Variants in PHACTR3 observed in about 807,000 individuals in gnomAD.
The protein encoded by PHACTR3 is phosphatase and actin regulator 3.
A neutral mutation model predicts 66.8 loss-of-function variants in PHACTR3; 16 were observed. The ratio of observed to expected loss-of-function variants is 0.24; its 90% CI spans 0.16 to 0.36. The LOEUF (loss-of-function observed/expected upper bound fraction) is 0.36, where lower values mean the gene tolerates loss of function less well. Ranked by LOEUF, PHACTR3 falls within the 10% of genes least tolerant of loss-of-function variation. The pLI is 1.00. For missense variants in PHACTR3, 647 were observed against 719.9 expected, an observed-to-expected ratio of 0.90 and a Z score of 1.16; for synonymous variants, 323 against 292.1, an observed-to-expected ratio of 1.11 and a Z score of -1.08.
intron 4 of PHACTR3, among the ~76,000 whole-genome samples, chr20:59,766,935 G>A (rs117058424): frequency 0.022 from 3,399 of 152,246 alleles, 58 homozygotes; most frequent in Non-Finnish European, 0.035. Context: ...CTGTGGCATG[G>A]ACCTCTCATG....
intron 1 of PHACTR3, among the ~76,000 whole-genome samples, chr20:59,640,201 A>C (rs979393885): frequency 3.7e-4 from 57 of 152,364 alleles, no homozygotes; most frequent in Admixed American, 1.5e-3. Flanking sequence ...GGTAGGATCA[A>C]GTACAGTCAG....
intron 7 of PHACTR3, among the ~76,000 whole-genome samples, chr20:59,793,155 T>C (rs768763777): frequency 9.9e-5 from 15 of 152,162 alleles, no homozygotes; most frequent in Non-Finnish European, 1.6e-4. Flanking sequence ...TCTCAAAGTG[T>C]TGGGATTACA....
chr20:59,770,443 C>T (rs1194385038), intron 5 of PHACTR3, among the ~76,000 whole-genome samples: 1 of 152,198 alleles, frequency 6.6e-6, no homozygotes, highest in Non-Finnish European at 1.5e-5. Flanking sequence ...CTGGGCTTCC[C>T]TTGCTGCAGG....
chr20:59,798,542 G>T (rs2146974667), intron 7 of PHACTR3, among the ~76,000 whole-genome samples: 1 of 152,192 alleles, frequency 6.6e-6, no homozygotes, highest in African/African-American at 2.4e-5. Flanking sequence ...AATAAATATA[G>T]GTCCATTCTG....
intron 5 of PHACTR3, among the ~76,000 whole-genome samples, chr20:59,770,808 C>T (rs576889158): frequency 1.4e-4 from 21 of 152,178 alleles, no homozygotes; most frequent in Non-Finnish European, 2.8e-4. Context: ...CCTGGAGATG[C>T]GTTTACCCCT....
chr20:59,762,081 G>A (rs1159346157), intron 4 of PHACTR3, among the ~76,000 whole-genome samples: 2 of 152,246 alleles, frequency 1.3e-5, no homozygotes, highest in African/African-American at 2.4e-5. Context: ...AAGATGGGGA[G>A]GAGGGAGGGA....
intron 1 of PHACTR3, among the ~76,000 whole-genome samples, chr20:59,726,480 C>T (rs1012925961): frequency 4.6e-5 from 7 of 152,146 alleles, no homozygotes; most frequent in Non-Finnish European, 8.8e-5. Flanking sequence ...CGCAGGCAAA[C>T]GGAAAAATGC....
At chr20:59,787,874 G>A (rs556718531) in intron 7 of PHACTR3, among the ~76,000 whole-genome samples, 2 of 152,216 alleles carry the variant, frequency 1.3e-5, no homozygotes, top group Non-Finnish European at 2.9e-5. Context: ...GCCTGGAGGT[G>A]TGGAATGGTA....
At chr20:59,635,375 G>A (rs1264353512) in intron 1 of PHACTR3, among the ~76,000 whole-genome samples, 4 of 150,388 alleles carry the variant, frequency 2.7e-5, no homozygotes, top group South Asian at 2.1e-4. Context: ...TTGGGATTAC[G>A]GGCGTGCACC....
Position 59,590,892 on chromosome 20 carries a change from G to T in PHACTR3, c.109+13275G>T, listed in dbSNP as rs752769139. On this transcript the variant is annotated intron_variant, in intron 1 of 12. Coordinates refer to the PHACTR3 transcript ENST00000359926. ...TTATAAGGCACTTATCATTGATGAG[G>T]GTGGGGCCCTCATGACCTAATCACC... Among the ~76,000 whole-genome samples the T allele has an allele frequency of 6.6e-5, 10 of 152,156 alleles. No individual in the cohort carries two copies. In the South Asian group the frequency reaches 8.3e-4, roughly 13 times the overall value.
rs1242836327 is a variant in PHACTR3, at chr20:59,736,359, AGGGAGAGACG to A, written c.119-6739_119-6730del. ...GAGAAGGCAGTTCCTCAGGAACTGCAGGGAGAGACGGGGAGAGAATTCCTGGAGTGGGGGG... is the reference window on the plus strand; with the variant it reads ...GAGAAGGCAGTTCCTCAGGAACTGCAGGGAGAGAATTCCTGGAGTGGGGGG... On this transcript the variant is annotated intron_variant, in intron 1 of 12. Transcript: ENST00000371015. This position sits in a 1 kb window ranked among gnomAD's most constrained non-coding sequence, Gnocchi z 4.6. Among the ~76,000 whole-genome samples the A allele has an allele frequency of 1.3e-5, 2 of 152,108 alleles. No homozygotes were observed. The highest frequency in any genetic ancestry group is 1.3e-4 in the Admixed American group (2 of 15,276).
Position 59,774,282 on chromosome 20 carries a change from G to T in PHACTR3, c.966G>T (p.Arg322=). The T allele has an allele frequency of 3.1e-6, 5 of 1,608,774 alleles. No individual in the cohort carries two copies. Among genetic ancestry groups the T allele is most frequent in the South Asian group, 1.1e-5 (1 of 90,064 alleles). Residue 322 remains arginine, a synonymous_variant, in exon 7 of 13, where the codon CGG becomes CGT. Coordinates refer to ENST00000371015, the MANE Select transcript of PHACTR3 (RefSeq NM_080672.5). ...GRESKGSPKK[R]LDVRLSRTSS... is the part of the protein sequence containing the mutation. ...AAAGTAAAGGGTCTCCAAAGAAGCG[G>T]CTGGATGTCCGTCTGTCGAGAACGT... is the stretch of plus-strand genomic sequence containing the variant.
chr20:59,711,561 A>G (rs1413958982), intron 1 of PHACTR3, among the ~76,000 whole-genome samples: 1 of 152,230 alleles, frequency 6.6e-6, no homozygotes, highest in Non-Finnish European at 1.5e-5. Context: ...CATGTCAAAA[A>G]TGCATTTAAT....
chr20:59,753,613 G>A (rs986875589), intron 3 of PHACTR3, among the ~76,000 whole-genome samples: 4 of 152,224 alleles, frequency 2.6e-5, no homozygotes, highest in African/African-American at 9.6e-5. Context: ...CACATGTAAA[G>A]TGCCTACCTT....
At chr20:59,772,511 G>A (rs2040393548) in intron 5 of PHACTR3, among the ~76,000 whole-genome samples, 1 of 152,186 alleles carries the variant, frequency 6.6e-6, no homozygotes, top group African/African-American at 2.4e-5. Flanking sequence ...GCCTCTCTAA[G>A]GAAATGGTAT....
chr20:59,840,918 T>C (rs922499487), intron 10 of PHACTR3, among the ~76,000 whole-genome samples: 46 of 152,222 alleles, frequency 3.0e-4, no homozygotes, highest in Admixed American at 2.0e-3. Context: ...AGCAACTCTA[T>C]AAATCTTAAT....
intron 1 of PHACTR3, among the ~76,000 whole-genome samples, chr20:59,627,835 CATCA>C (rs1265455598): frequency 6.6e-6 from 1 of 152,152 alleles, no homozygotes; most frequent in African/African-American, 2.4e-5. Flanking sequence ...AGCATCTAGT[CATCA>C]ATCATTTATC....
chr20:59,658,460 C>T (rs2035698797), intron 1 of PHACTR3, among the ~76,000 whole-genome samples: 1 of 151,198 alleles, frequency 6.6e-6, no homozygotes, highest in Non-Finnish European at 1.5e-5. Flanking sequence ...CTGAGCTTGC[C>T]ATTGTTGTTT....
intron 7 of PHACTR3, among the ~76,000 whole-genome samples, chr20:59,805,537 G>T (rs1444326869): frequency 6.6e-6 from 1 of 152,182 alleles, no homozygotes; most frequent in Admixed American, 6.5e-5. Context: ...TCCTGGCAAG[G>T]CTGTGCGGTA....
Sources: gnomAD v4.1 joint callset for allele counts (sites outside exome capture counted in the v4.1 genomes callset) on GRCh38, gnomAD v4.1.1 for gene constraint, Gnocchi (gnomAD v3.1) non-coding constraint, MANE v1.5 for transcripts, NCBI Gene and HGNC (gene_info 2026-07-23, HGNC 2026-07-21) for gene names.